Variants in RBMS3 observed in about 807,000 individuals in gnomAD.
RBMS3 encodes RNA-binding motif, single-stranded-interacting protein 3.
A neutral mutation model predicts 66.8 loss-of-function variants in RBMS3; 27 were observed. The ratio of observed to expected loss-of-function variants is 0.40; its 90% CI spans 0.30 to 0.56. RBMS3 has a LOEUF of 0.56. RBMS3 is among the 20% of genes least tolerant of loss of function. The pLI, the probability that RBMS3 is intolerant of heterozygous loss-of-function variation, is 0.40. For missense variants in RBMS3, 513 were observed against 549.5 expected (o/e 0.93, Z 0.66); for synonymous variants, 188 against 183.0 (o/e 1.03, Z -0.22).
Position 29,991,117 on chromosome 3 carries a change from A to G in RBMS3, c.1215A>G (p.Ala405=). 6.2e-7 allele frequency: 1 copy of G among 1,614,112 alleles called. No homozygotes were observed. The highest frequency in any genetic ancestry group is 1.3e-5 in the African/African-American group (1 of 75,000). ...CTGATACCTCTCCCCAGACAGTGGCACCTTCATCCCAGGACACCAGTGGTC... is the reference window on the plus strand; with the variant it reads ...CTGATACCTCTCCCCAGACAGTGGCGCCTTCATCCCAGGACACCAGTGGTC... ...VVADTSPQTV[A]PSSQDTSGQQ... Residue 405 remains alanine (A), a synonymous_variant, in exon 14 of 15, where the codon GCA becomes GCG. Coordinates refer to ENST00000383767, the MANE Select transcript of RBMS3 (RefSeq NM_001003793.3).
At chr3:29,485,378 A>G (rs915919257) in intron 2 of RBMS3, among the ~76,000 whole-genome samples, 1 of 142,504 alleles carries the variant, frequency 7.0e-6, no homozygotes. Context: ...TTTAAAGCAT[A>G]CTCTTTAGAA....
At chr3:29,361,872 T>C (rs1020924544) in intron 1 of RBMS3, among the ~76,000 whole-genome samples, 8 of 152,230 alleles carry the variant, frequency 5.3e-5, no homozygotes, top group Non-Finnish European at 8.8e-5. Flanking sequence ...CATCACTTAG[T>C]TCTCGTGCCA....
chr3:29,972,377 C>T (rs546964064), intron 12 of RBMS3, among the ~76,000 whole-genome samples: 3 of 152,002 alleles, frequency 2.0e-5, no homozygotes, highest in Non-Finnish European at 2.9e-5. Flanking sequence ...GCTTTATGCC[C>T]TGTTGTTTGC....
intron 11 of RBMS3, among the ~76,000 whole-genome samples, chr3:29,938,819 G>C (rs758875947): frequency 6.6e-5 from 10 of 151,852 alleles, no homozygotes; most frequent in Non-Finnish European, 1.5e-4. Context: ...TCCCTTATTA[G>C]CTCTGCATGT....
chr3:29,605,681 C>T (rs1481937759), intron 4 of RBMS3, among the ~76,000 whole-genome samples: 1 of 151,886 alleles, frequency 6.6e-6, no homozygotes, highest in Non-Finnish European at 1.5e-5. Flanking sequence ...TTATGCTTGA[C>T]TTTGGCAGTT....
chr3:29,742,318 G>A (rs2054684289), intron 5 of RBMS3, among the ~76,000 whole-genome samples: 1 of 152,110 alleles, frequency 6.6e-6, no homozygotes, highest in South Asian at 2.1e-4. Context: ...GCATATAGAA[G>A]CCACAGTGAG....
chr3:29,493,706 T>A (rs755991800), intron 3 of RBMS3, among the ~76,000 whole-genome samples: 2 of 152,212 alleles, frequency 1.3e-5, no homozygotes, highest in Admixed American at 6.5e-5. Flanking sequence ...TTGTTCTTTC[T>A]ATGGAACCTG....
At chr3:29,786,337 T>TAA (rs201012370) in intron 6 of RBMS3, among the ~76,000 whole-genome samples, 2 of 150,762 alleles carry the variant, frequency 1.3e-5, no homozygotes, top group African/African-American at 4.9e-5. Flanking sequence ...AGAAAAAAAA[T>TAA]AAAAAAATCC....
At chr3:29,753,176 T>C (rs1441228036) in intron 5 of RBMS3, among the ~76,000 whole-genome samples, 1 of 152,152 alleles carries the variant, frequency 6.6e-6, no homozygotes, top group Non-Finnish European at 1.5e-5. Context: ...CTTTAATGAA[T>C]AGCAAAATGA....
intron 5 of RBMS3, among the ~76,000 whole-genome samples, chr3:29,758,568 A>C (rs2055526784): frequency 6.6e-6 from 1 of 152,170 alleles, no homozygotes; most frequent in African/African-American, 2.4e-5. Flanking sequence ...AGGGCATGTA[A>C]GGGAGGCCTC....
intron 4 of RBMS3, among the ~76,000 whole-genome samples, chr3:29,589,016 G>A (rs951825973): frequency 6.6e-6 from 1 of 152,084 alleles, no homozygotes; most frequent in Admixed American, 6.6e-5. Context: ...CACTTTAGAA[G>A]TAATGAAAAC....
intron 3 of RBMS3, among the ~76,000 whole-genome samples, chr3:29,513,811 G>A (rs1286473932): frequency 6.6e-6 from 1 of 152,088 alleles, no homozygotes; most frequent in Non-Finnish European, 1.5e-5. Context: ...ATAAAAATGT[G>A]TTCTTTTCCT....
At chr3:29,285,873 T>A (rs1438750575) in intron 1 of RBMS3, among the ~76,000 whole-genome samples, 1 of 152,098 alleles carries the variant, frequency 6.6e-6, no homozygotes. Flanking sequence ...AATGTACAGA[T>A]CCTTCAAAAG....
chr3:29,284,920 G>A (rs2032166400), intron 1 of RBMS3, among the ~76,000 whole-genome samples: 2 of 125,218 alleles, frequency 1.6e-5, no homozygotes, highest in South Asian at 2.4e-4. Context: ...ACATTACTTC[G>A]CTTAAGGAAT....
At chr3:29,691,204 T>C (rs1034184243) in intron 4 of RBMS3, among the ~76,000 whole-genome samples, 2 of 152,220 alleles carry the variant, frequency 1.3e-5, no homozygotes, top group African/African-American at 4.8e-5. Context: ...GAACAGAGCA[T>C]TTCTTGAGGT....
intron 6 of RBMS3, among the ~76,000 whole-genome samples, chr3:29,816,103 C>A (rs533012248): frequency 6.6e-6 from 1 of 152,140 alleles, no homozygotes; most frequent in Non-Finnish European, 1.5e-5. Flanking sequence ...AGTATGGATT[C>A]TAATTCACAC....
chr3:29,842,380 C>T (rs2058681527), intron 6 of RBMS3, among the ~76,000 whole-genome samples: 1 of 152,066 alleles, frequency 6.6e-6, no homozygotes, highest in South Asian at 2.1e-4. Context: ...AGGACATAAA[C>T]ATTTGAATAT....
At chr3:29,610,036 T>G (rs2048442211) in intron 4 of RBMS3, among the ~76,000 whole-genome samples, 1 of 152,112 alleles carries the variant, frequency 6.6e-6, no homozygotes. Context: ...ACATTAATTT[T>G]AAAAATCAAT....
At chr3:29,517,319 ATTTTTTT>A (rs140882570) in intron 3 of RBMS3, among the ~76,000 whole-genome samples, 11,986 of 129,066 alleles carry the variant, frequency 0.093, 946 homozygotes, top group East Asian at 0.33. Context: ...ATATATATAT[ATTTTTTT>A]TTTGTTTTTT....
Sources: gnomAD v4.1 joint callset for allele counts (sites outside exome capture counted in the v4.1 genomes callset) on GRCh38, gnomAD v4.1.1 for gene constraint, MANE v1.5 for transcripts, NCBI Gene and HGNC (gene_info 2026-07-23, HGNC 2026-07-21) for gene names.